NPRL3: variants seen among roughly 807,000 people sequenced by gnomAD.
The protein encoded by NPRL3 is GATOR1 complex protein NPRL3.
Under a neutral mutation model 57.2 loss-of-function variants are expected in NPRL3, and 23 were observed. That is an observed-to-expected ratio of 0.40 (90% confidence interval 0.29 to 0.57). NPRL3 has a LOEUF of 0.57. NPRL3 is among the 20% of genes least tolerant of loss of function. The pLI, the probability that NPRL3 is intolerant of heterozygous loss-of-function variation, is 0.42. For missense variants in NPRL3, 691 were observed against 767.1 expected (o/e 0.90, Z 1.17); for synonymous variants, 333 against 321.1 (o/e 1.04, Z -0.39).
At chr16:131,130 T>C (rs935093939) in intron 2 of NPRL3, among the ~76,000 whole-genome samples, 1 of 151,736 alleles carries the variant, frequency 6.6e-6, no homozygotes, top group Non-Finnish European at 1.5e-5. Context: ...AGGTCAGGAG[T>C]TCGAAACCAG....
chr16:133,653 A>G (rs1455296171), intron 2 of NPRL3, among the ~76,000 whole-genome samples: 3 of 152,220 alleles, frequency 2.0e-5, no homozygotes, highest in Non-Finnish European at 4.4e-5. Flanking sequence ...GTACAGGTGC[A>G]GGCCTGGCTT....
intron 7 of NPRL3, among the ~76,000 whole-genome samples, chr16:105,689 C>A (rs1031613946): frequency 6.6e-6 from 1 of 152,238 alleles, no homozygotes; most frequent in African/African-American, 2.4e-5. Flanking sequence ...GGAATCTACA[C>A]TGCTGTTATT....
At chr16:132,831 G>A (rs990242978) in intron 2 of NPRL3, among the ~76,000 whole-genome samples, 2 of 151,982 alleles carry the variant, frequency 1.3e-5, no homozygotes, top group East Asian at 1.9e-4. Context: ...CACTATGCCC[G>A]GCTAATTTTT....
At chr16:111,511 C>T (rs1306572365) in intron 6 of NPRL3, among the ~76,000 whole-genome samples, 1 of 151,652 alleles carries the variant, frequency 6.6e-6, no homozygotes, top group African/African-American at 2.4e-5. Flanking sequence ...TGCAGTGGTG[C>T]AATCTCAGCT....
At chr16:102,593 A>G (rs1483169243) in intron 7 of NPRL3, among the ~76,000 whole-genome samples, 1 of 152,076 alleles carries the variant, frequency 6.6e-6, no homozygotes, top group Non-Finnish European at 1.5e-5. Context: ...AGAGCAGCCA[A>G]CTAGTGCTTT....
At position 88,720 on chromosome 16, in the gene NPRL3, C is replaced by G. The variant is rs1898612453; in HGVS notation, c.1522G>C (p.Glu508Gln). 6.2e-7 allele frequency: 1 copy of G among 1,612,258 alleles called. No individual in the cohort carries two copies. The change falls in exon 13 of 14, where the codon GAG (glutamate) becomes CAG (glutamine). Residue 508 changes from glutamate to glutamine, a missense_variant. Glu to Gln is a conservative substitution (Grantham distance 29). Coordinates refer to ENST00000611875, the MANE Select transcript of NPRL3 (RefSeq NM_001077350.3). ...ILSVPAAQNP[E>Q]DLRMFARLLH... Reference sequence around the variant, plus strand: ...CACCTGGCAAACATGCGGAGGTCCTCAGGGTTCTGGGCTGCGGGTACACTG... The same window carrying G: ...CACCTGGCAAACATGCGGAGGTCCTGAGGGTTCTGGGCTGCGGGTACACTG...
At chr16:127,520 C>A (rs1406425853) in intron 3 of NPRL3, among the ~76,000 whole-genome samples, 1 of 152,202 alleles carries the variant, frequency 6.6e-6, no homozygotes, top group Admixed American at 6.5e-5. Context: ...CAGGCATGAG[C>A]TACCGCTCCC....
chr16:113,434 G>C (rs949995872), intron 5 of NPRL3, among the ~76,000 whole-genome samples: 1 of 152,214 alleles, frequency 6.6e-6, no homozygotes, highest in African/African-American at 2.4e-5. Flanking sequence ...AGCTCCTTCT[G>C]CAACCATGAT....
intron 7 of NPRL3, among the ~76,000 whole-genome samples, chr16:107,330 A>G (rs1899576717): frequency 6.6e-6 from 1 of 151,508 alleles, no homozygotes; most frequent in Non-Finnish European, 1.5e-5. Context: ...AAGAAATCAT[A>G]GTCCATTCTT....
chr16:121,626 A>AT (rs35915700), intron 3 of NPRL3, among the ~76,000 whole-genome samples: 1 of 151,562 alleles, frequency 6.6e-6, no homozygotes, highest in Non-Finnish European at 1.5e-5. Context: ...TCTCAAAAAA[A>AT]AAAACAGTCA....
intron 13 of NPRL3, 113 bp downstream of exon 13, chr16:88,585 C>G: frequency 1.0e-6 from 1 of 963,140 alleles, no homozygotes; most frequent in Non-Finnish European, 1.6e-6. Context: ...CCATCTCGAA[C>G]AGGGCCCCAT....
At chr16:134,992 C>T (rs1240212509) in intron 2 of NPRL3, among the ~76,000 whole-genome samples, 2 of 152,086 alleles carry the variant, frequency 1.3e-5, no homozygotes, top group Non-Finnish European at 2.9e-5. Flanking sequence ...TGAGCCACCG[C>T]GCCCGGCCAA....
At chr16:93,453 A>G in intron 9 of NPRL3, 128 bp from the exon 10 acceptor site, 1 of 662,016 alleles carries the variant, frequency 1.5e-6, no homozygotes, top group South Asian at 1.7e-5. Context: ...CATGCAGAAC[A>G]CACCTGGTGG....
At chr16:104,453 G>A (rs1899445231) in intron 7 of NPRL3, among the ~76,000 whole-genome samples, 1 of 152,174 alleles carries the variant, frequency 6.6e-6, no homozygotes, top group South Asian at 2.1e-4. Context: ...ATGGAGAAAT[G>A]AGGGCAGGAG....
intron 11 of NPRL3, among the ~76,000 whole-genome samples, chr16:91,404 G>T (rs1898759288): frequency 6.6e-6 from 1 of 152,104 alleles, no homozygotes; most frequent in African/African-American, 2.4e-5. Context: ...AAAACAGAGG[G>T]GCTTCCCAGC....
At chr16:112,501 G>C in intron 6 of NPRL3, 121 bp downstream of exon 6, 2 of 1,011,992 alleles carry the variant, frequency 2.0e-6, no homozygotes, top group Non-Finnish European at 2.6e-6. Flanking sequence ...GTTGGGGTGG[G>C]TGAGGCCCCG....
At chr16:103,823 A>G (rs1385141489) in intron 7 of NPRL3, among the ~76,000 whole-genome samples, 6 of 152,154 alleles carry the variant, frequency 3.9e-5, no homozygotes, top group Admixed American at 3.9e-4. Flanking sequence ...TACTAAAAAT[A>G]CAAATATTAG....
At position 85,600 on chromosome 16, in the gene NPRL3, A is replaced by C. The variant is rs907039275; in HGVS notation, c.*1105T>G. The C allele has an allele frequency of 1.2e-5, 20 of 1,611,514 alleles. No homozygotes were observed. Among genetic ancestry groups the C allele is most frequent in the Non-Finnish European group, 1.7e-5 (20 of 1,178,534 alleles). ...ACCAGAGGGACCTGGCACAGGATGA[A>C]GCTGTATGGCTGGAGCGTGGTCCCC... On this transcript the variant is annotated 3_prime_UTR_variant, in exon 14 of 14. Coordinates refer to ENST00000611875, the MANE Select transcript of NPRL3 (RefSeq NM_001077350.3).
At chr16:123,140 C>T (rs1010049441) in intron 3 of NPRL3, among the ~76,000 whole-genome samples, 3 of 152,260 alleles carry the variant, frequency 2.0e-5, no homozygotes, top group Non-Finnish European at 2.9e-5. Flanking sequence ...CTCTCTAGGG[C>T]GGCAGTGGAC....
Sources: allele counts gnomAD v4.1 joint callset (sites outside exome capture counted in the v4.1 genomes callset), GRCh38; gene constraint gnomAD v4.1.1; transcripts MANE v1.5; gene names NCBI Gene and HGNC (gene_info 2026-07-23, HGNC 2026-07-21).